Variants in AGTPBP1 observed in about 807,000 individuals in gnomAD.
AGTPBP1 encodes ATP/GTP binding carboxypeptidase 1, also known as cytosolic carboxypeptidase 1.
In AGTPBP1, 70 loss-of-function variants were observed where a neutral mutation model predicts 143.9. The observed-to-expected ratio is 0.49, with a 90% CI of 0.40 to 0.59. The LOEUF is 0.59. AGTPBP1 is among the 20% of genes least tolerant of loss of function. AGTPBP1 has a pLI of 0.00. For missense variants in AGTPBP1, 1,229 were observed against 1,464.5 expected (o/e 0.84, Z 2.62); for synonymous variants, 463 against 500.2 (o/e 0.93, Z 0.99).
At chr9:85,667,147 T>A (rs1834179789) in intron 8 of AGTPBP1, among the ~76,000 whole-genome samples, 1 of 152,136 alleles carries the variant, frequency 6.6e-6, no homozygotes, top group African/African-American at 2.4e-5. Context: ...TGTTACTGAT[T>A]GTGATACAAA....
At chr9:85,680,475 T>C (rs1402986891) in intron 4 of AGTPBP1, among the ~76,000 whole-genome samples, 1 of 152,058 alleles carries the variant, frequency 6.6e-6, no homozygotes, top group Non-Finnish European at 1.5e-5. Context: ...TCCCAGCTAC[T>C]TGGGATGCTG....
At chr9:85,742,081 G>C (rs936320861), upstream of AGTPBP1, 1 of 1,106,658 alleles carries the variant, frequency 9.0e-7, no homozygotes, top group African/African-American at 1.7e-5. Flanking sequence ...CGGAGCGCAC[G>C]CCCTCTTCCC....
At chr9:85,635,078 T>C (rs1048604452) in intron 13 of AGTPBP1, among the ~76,000 whole-genome samples, 1 of 152,238 alleles carries the variant, frequency 6.6e-6, no homozygotes, top group African/African-American at 2.4e-5. Context: ...CAATTCTTCA[T>C]AGGTAACTTT....
chr9:85,704,330 C>T (rs1836849331), intron 2 of AGTPBP1, among the ~76,000 whole-genome samples: 1 of 152,126 alleles, frequency 6.6e-6, no homozygotes, highest in Non-Finnish European at 1.5e-5. Context: ...CTCAAATACA[C>T]AGCTGAATAC....
intron 11 of AGTPBP1, among the ~76,000 whole-genome samples, chr9:85,647,107 GTC>G (rs1440540351): frequency 6.6e-6 from 1 of 152,122 alleles, no homozygotes; most frequent in African/African-American, 2.4e-5. Context: ...GAGAAACCCT[GTC>G]TCTATTAAAA....
At chr9:85,777,544 G>C in the AGTPBP1 span, among the ~76,000 whole-genome samples, 2 of 152,170 alleles carry the variant, frequency 1.3e-5, no homozygotes, top group African/African-American at 4.8e-5. Flanking sequence ...CAATGACAGG[G>C]GTGGCTGGGG....
At chr9:85,800,560 T>A in the AGTPBP1 span, among the ~76,000 whole-genome samples, 1 of 152,212 alleles carries the variant, frequency 6.6e-6, no homozygotes, top group Non-Finnish European at 1.5e-5. Context: ...ATATCTTTTT[T>A]ATTCCTTTAC....
intron 1 of AGTPBP1, among the ~76,000 whole-genome samples, chr9:85,720,364 T>C (rs1012599385): frequency 6.6e-6 from 1 of 152,208 alleles, no homozygotes; most frequent in Non-Finnish European, 1.5e-5. Flanking sequence ...ATTCAGAGAT[T>C]CAACTTCTTC....
chr9:85,773,082 G>A, the AGTPBP1 span, among the ~76,000 whole-genome samples: 1 of 151,448 alleles, frequency 6.6e-6, no homozygotes, highest in Non-Finnish European at 1.5e-5. Context: ...TAGCTAACAC[G>A]GTGAAACCCC....
chr9:85,772,804 C>T, the AGTPBP1 span, among the ~76,000 whole-genome samples: 9 of 152,078 alleles, frequency 5.9e-5, no homozygotes, highest in Non-Finnish European at 1.3e-4. Flanking sequence ...TTTATAACAT[C>T]CATTCTGGAG....
chr9:85,671,535 A>G (rs1371567586), intron 7 of AGTPBP1, among the ~76,000 whole-genome samples: 1 of 152,196 alleles, frequency 6.6e-6, no homozygotes, highest in South Asian at 2.1e-4. Flanking sequence ...AAGCTTATGT[A>G]TGTTTATATA....
At chr9:85,570,087 G>GT (rs1342898141) in intron 25 of AGTPBP1, among the ~76,000 whole-genome samples, 1 of 151,954 alleles carries the variant, frequency 6.6e-6, no homozygotes. Flanking sequence ...CCATATATCT[G>GT]TTTTTTTCCA....
At chr9:85,750,625 G>T in the AGTPBP1 span, among the ~76,000 whole-genome samples, 1 of 152,184 alleles carries the variant, frequency 6.6e-6, no homozygotes, top group Admixed American at 6.5e-5. Context: ...GCCAGTGTAT[G>T]TTGTAGTTGG....
the AGTPBP1 span, among the ~76,000 whole-genome samples, chr9:85,794,863 ATATTT>A: frequency 6.6e-6 from 1 of 152,076 alleles, no homozygotes; most frequent in Non-Finnish European, 1.5e-5. Flanking sequence ...TTATTTCTAA[ATATTT>A]TATTCTTTTT....
At chr9:85,547,776 C>A (rs1044759380) in intron 25 of AGTPBP1, among the ~76,000 whole-genome samples, 3 of 152,168 alleles carry the variant, frequency 2.0e-5, no homozygotes, top group Non-Finnish European at 4.4e-5. Context: ...TATACCCACC[C>A]CACCAGTTTC....
At chr9:85,586,149 G>A (rs1414315792) in intron 22 of AGTPBP1, among the ~76,000 whole-genome samples, 1 of 151,308 alleles carries the variant, frequency 6.6e-6, no homozygotes, top group Non-Finnish European at 1.5e-5. Context: ...GGAGGCAGAG[G>A]TTGCAGTGAG....
At chr9:85,605,566 C>T (rs1829941212) in intron 17 of AGTPBP1, among the ~76,000 whole-genome samples, 1 of 151,902 alleles carries the variant, frequency 6.6e-6, no homozygotes, top group Non-Finnish European at 1.5e-5. Context: ...AAAATTCAAT[C>T]GTAATAATAA....
chr9:85,662,893 G>A (rs1041478894), intron 8 of AGTPBP1, among the ~76,000 whole-genome samples: 7 of 151,426 alleles, frequency 4.6e-5, no homozygotes, highest in African/African-American at 1.4e-4. Flanking sequence ...TTTTTAAATG[G>A]ACAAAATGGA....
the AGTPBP1 span, among the ~76,000 whole-genome samples, chr9:85,796,986 C>T: frequency 1.3e-5 from 2 of 151,916 alleles, no homozygotes; most frequent in African/African-American, 4.8e-5. Flanking sequence ...AGGGTTTCAC[C>T]GTGTTAGCCA....
Sources: allele counts gnomAD v4.1 joint callset (sites outside exome capture counted in the v4.1 genomes callset), GRCh38; gene constraint gnomAD v4.1.1; transcripts MANE v1.5; gene names NCBI Gene and HGNC (gene_info 2026-07-23, HGNC 2026-07-21).